The following FGF12 variants were observed in gnomAD, a reference collection of about 807,000 sequenced individuals.
FGF12 encodes fibroblast growth factor 12, also known as fibroblast growth factor 12B.
FGF12 carries 14 observed loss-of-function variants against 23.6 expected under a neutral mutation model. That is an observed-to-expected ratio of 0.59 (90% CI 0.39 to 0.93). FGF12 has a LOEUF of 0.93. Ranked by LOEUF, FGF12 falls within the 40% of genes least tolerant of loss-of-function variation. The pLI is 0.00. For synonymous variants in FGF12, 62 were observed against 77.3 expected (o/e 0.80, Z 1.04); for missense variants, 175 against 217.8 (o/e 0.80, Z 1.24).
intron 3 of FGF12, among the ~76,000 whole-genome samples, chr3:192,357,433 G>T (rs982324072): frequency 2.0e-5 from 3 of 148,842 alleles, no homozygotes; most frequent in African/African-American, 7.4e-5. Flanking sequence ...ACTGAGCCGA[G>T]ATCACACCAC....
chr3:192,712,196 C>T (rs1294599438), intron 2 of FGF12, among the ~76,000 whole-genome samples: 1 of 151,108 alleles, frequency 6.6e-6, no homozygotes, highest in Non-Finnish European at 1.5e-5. Flanking sequence ...GGAAATAAAA[C>T]ATATGAAAAA....
intron 4 of FGF12, among the ~76,000 whole-genome samples, chr3:192,205,682 C>T (rs756988364): frequency 4.6e-5 from 7 of 152,218 alleles, no homozygotes; most frequent in Non-Finnish European, 8.8e-5. Flanking sequence ...CTCATGTTTT[C>T]GGCCTTTGAG....
At chr3:192,206,069 A>G (rs918935151) in intron 4 of FGF12, among the ~76,000 whole-genome samples, 2 of 152,212 alleles carry the variant, frequency 1.3e-5, no homozygotes, top group African/African-American at 4.8e-5. Context: ...TAATATGGAG[A>G]CAATTACATC....
At chr3:192,724,188 T>C (rs1719137946) in intron 2 of FGF12, among the ~76,000 whole-genome samples, 1 of 152,072 alleles carries the variant, frequency 6.6e-6, no homozygotes, top group South Asian at 2.1e-4. Flanking sequence ...AACATTAATG[T>C]GCATACAAAT....
At chr3:192,498,482 T>C (rs1448324535) in intron 2 of FGF12, among the ~76,000 whole-genome samples, 2 of 152,234 alleles carry the variant, frequency 1.3e-5, no homozygotes, top group African/African-American at 2.4e-5. Context: ...AAAATGCATG[T>C]AGGTCCTAGG....
At chr3:192,714,725 A>T (rs1016960642) in intron 2 of FGF12, among the ~76,000 whole-genome samples, 2 of 151,882 alleles carry the variant, frequency 1.3e-5, no homozygotes, top group East Asian at 3.9e-4. Context: ...TCATCGTTTT[A>T]GCCGGGATGG....
At chr3:192,601,024 A>G (rs374082542) in intron 2 of FGF12, among the ~76,000 whole-genome samples, 141 of 152,258 alleles carry the variant, frequency 9.3e-4, no homozygotes, top group Middle Eastern at 3.4e-3. Flanking sequence ...ACTATTCACA[A>G]TAGCCAAAAT....
At chr3:192,165,311 TA>T (rs35624911) in intron 5 of FGF12, among the ~76,000 whole-genome samples, 44,997 of 148,962 alleles carry the variant, frequency 0.3, 7,568 homozygotes, top group East Asian at 0.68. Context: ...ATCCCTTCAT[TA>T]AAAAAAAAAA....
chr3:192,320,797 T>C (rs946341726), intron 4 of FGF12, among the ~76,000 whole-genome samples: 1 of 151,990 alleles, frequency 6.6e-6, no homozygotes, highest in African/African-American at 2.4e-5. Flanking sequence ...CCCAAATCTA[T>C]AGGATACAGT....
intron 4 of FGF12, among the ~76,000 whole-genome samples, chr3:192,218,633 G>A (rs1378092478): frequency 6.6e-6 from 1 of 152,156 alleles, no homozygotes; most frequent in Non-Finnish European, 1.5e-5. Context: ...CTGCAAAACT[G>A]TGAGGCAATT....
intron 2 of FGF12, among the ~76,000 whole-genome samples, chr3:192,558,278 A>G (rs1218293775): frequency 1.3e-5 from 2 of 151,970 alleles, no homozygotes; most frequent in Non-Finnish European, 2.9e-5. Flanking sequence ...GTGTTTCTAT[A>G]CACTAATACC....
chr3:192,581,166 T>C lies in FGF12; in HGVS notation c.13+146015A>G, dbSNP rs944687566. On this transcript the variant is annotated intron_variant, in intron 2 of 5. Transcript: ENST00000445105. ...AGATAATTGTTATCATTAAACATTA[T>C]ATAGAAGACTTTCAATGATGTGGGC... is the stretch of plus-strand genomic sequence containing the variant. Among the ~76,000 whole-genome samples, 2 of 152,132 alleles carry C rather than the reference T, an allele frequency of 1.3e-5. 1 individual carries two copies. The highest frequency in any genetic ancestry group is 4.1e-4 in the South Asian group (2 of 4,828).
chr3:192,416,684 G>T (rs1224264049), intron 2 of FGF12, among the ~76,000 whole-genome samples: 1 of 152,074 alleles, frequency 6.6e-6, no homozygotes, highest in Non-Finnish European at 1.5e-5. Flanking sequence ...AGAATTCTAG[G>T]ATAGTACATG....
intron 4 of FGF12, among the ~76,000 whole-genome samples, chr3:192,247,202 T>C (rs1387532903): frequency 1.3e-5 from 2 of 152,092 alleles, no homozygotes; most frequent in Non-Finnish European, 2.9e-5. Context: ...AACATTTGTG[T>C]AGCACAAACC....
chr3:192,643,577 T>C (rs1396955271), intron 2 of FGF12, among the ~76,000 whole-genome samples: 3 of 152,228 alleles, frequency 2.0e-5, no homozygotes, highest in Non-Finnish European at 4.4e-5. Context: ...TTAAATAATA[T>C]GAATGTCCTT....
chr3:192,314,756 G>A (rs778008102), intron 4 of FGF12, among the ~76,000 whole-genome samples: 1 of 152,124 alleles, frequency 6.6e-6, no homozygotes, highest in Non-Finnish European at 1.5e-5. Flanking sequence ...ATTGGTCTTA[G>A]GAAATAAAAT....
At chr3:192,302,812 C>A (rs1715420578) in intron 4 of FGF12, among the ~76,000 whole-genome samples, 1 of 152,136 alleles carries the variant, frequency 6.6e-6, no homozygotes, top group African/African-American at 2.4e-5. Context: ...AAGGAGTGAA[C>A]AGGAGTTAGC....
intron 2 of FGF12, among the ~76,000 whole-genome samples, chr3:192,428,283 TC>T (rs1298804478): frequency 6.6e-6 from 1 of 152,104 alleles, no homozygotes; most frequent in African/African-American, 2.4e-5. Flanking sequence ...TCTAAATTCC[TC>T]CTTTTAGAAA....
chr3:192,378,066 C>CTT (rs374467029), intron 2 of FGF12, among the ~76,000 whole-genome samples: 2 of 120,908 alleles, frequency 1.7e-5, no homozygotes, highest in Admixed American at 1.7e-4. Context: ...TTCTTTCTTT[C>CTT]TTTCTTTCTT....
Sources: gnomAD v4.1 joint callset for allele counts (sites outside exome capture counted in the v4.1 genomes callset) on GRCh38, gnomAD v4.1.1 for gene constraint, MANE v1.5 for transcripts, NCBI Gene and HGNC (gene_info 2026-07-23, HGNC 2026-07-21) for gene names.